The following MAGI2 variants were observed in gnomAD, a reference collection of about 807,000 sequenced individuals.
MAGI2 encodes the protein membrane associated guanylate kinase, WW and PDZ domain containing 2, also known as membrane-associated guanylate kinase, WW and PDZ domain-containing protein 2.
Under a neutral mutation model 133.3 loss-of-function variants are expected in MAGI2, and 35 were observed. That is an observed-to-expected ratio of 0.26 (90% CI 0.20 to 0.35). MAGI2 has a LOEUF of 0.35. Among genes scored for constraint, MAGI2 ranks in the 10% least tolerant of loss-of-function variants. The pLI is 1.00. For synonymous variants in MAGI2, 729 were observed against 710.6 expected, an observed-to-expected ratio of 1.03 and a Z score of -0.41; for missense variants, 1,636 against 1,863.4, an observed-to-expected ratio of 0.88 and a Z score of 2.25.
At chr7:79,403,631 C>T (rs1321408344) in intron 1 of MAGI2, among the ~76,000 whole-genome samples, 1 of 152,116 alleles carries the variant, frequency 6.6e-6, no homozygotes, top group Non-Finnish European at 1.5e-5. Flanking sequence ...AACTAGGCCA[C>T]ATCCTGCACT....
intron 2 of MAGI2, among the ~76,000 whole-genome samples, chr7:78,787,681 T>A (rs1466592004): frequency 6.6e-6 from 1 of 152,180 alleles, no homozygotes; most frequent in African/African-American, 2.4e-5. Context: ...ATAGTTATAC[T>A]CCCTTAGTAA....
At chr7:79,135,903 T>C (rs1244806197) in intron 1 of MAGI2, among the ~76,000 whole-genome samples, 3 of 146,516 alleles carry the variant, frequency 2.0e-5, no homozygotes, top group Non-Finnish European at 1.5e-5. Flanking sequence ...ACGATGCCAC[T>C]GAACTCCATC....
intron 3 of MAGI2, among the ~76,000 whole-genome samples, chr7:78,603,834 T>G (rs939271656): frequency 2.6e-5 from 4 of 152,164 alleles, no homozygotes; most frequent in Non-Finnish European, 5.9e-5. Context: ...ATTTCTATTT[T>G]CTTATAGGCT....
At position 78,785,877 on chromosome 7, in the gene MAGI2, G is replaced by A. The variant is rs79417604; in HGVS notation, c.419-158638C>T. Among the ~76,000 whole-genome samples the A allele has an allele frequency of 6.6e-4, 100 of 152,152 alleles. 2 individuals carry two copies. In the East Asian group the frequency reaches 0.016, roughly 24 times the overall value. On this transcript the variant is annotated intron_variant, in intron 2 of 21. Transcript: ENST00000354212. ...GAGGACAGTCACTTTTTCACTCTCC[G>A]CAAACTCTGCCTGGACACTTCCTTG...
chr7:78,209,826 TG>T (rs1478414152), intron 10 of MAGI2, among the ~76,000 whole-genome samples: 10 of 152,360 alleles, frequency 6.6e-5, no homozygotes, highest in Admixed American at 6.5e-4. Context: ...AGAAATTGGC[TG>T]CTACCTATTC....
chr7:78,797,985 A>C (rs1787756512), intron 2 of MAGI2, among the ~76,000 whole-genome samples: 1 of 152,172 alleles, frequency 6.6e-6, no homozygotes, highest in South Asian at 2.1e-4. Flanking sequence ...AGGGTCACAC[A>C]ATGGCACAAA....
At chr7:78,379,712 C>A (rs2068339) in intron 6 of MAGI2, among the ~76,000 whole-genome samples, 124,120 of 151,962 alleles carry the variant, frequency 0.82, 50,800 homozygotes, top group Admixed American at 0.85. Flanking sequence ...TTCCATCCAT[C>A]TTTCTCTTTC....
chr7:78,138,644 C>T lies in MAGI2; in HGVS notation c.2846-3438G>A, dbSNP rs998514588. Among the ~76,000 whole-genome samples the T allele has an allele frequency of 7.4e-3, 1,099 of 149,442 alleles. 14 individuals are homozygous for T. The highest frequency in any genetic ancestry group is 9.5e-3 in the Non-Finnish European group (641 of 67,512). On this transcript the variant is annotated intron_variant, in intron 16 of 21. Transcript: ENST00000354212. ...ATAGATTCACACACACACACACACACACACACACACACACACACACACACA... is the reference window on the plus strand; with the variant it reads ...ATAGATTCACACACACACACACACATACACACACACACACACACACACACA...
intron 1 of MAGI2, among the ~76,000 whole-genome samples, chr7:79,342,992 G>C (rs1234657874): frequency 6.6e-6 from 1 of 152,050 alleles, no homozygotes; most frequent in Non-Finnish European, 1.5e-5. Context: ...TCGAACTCCT[G>C]ACCTCAGGTG....
At chr7:79,087,811 T>G (rs1474693639) in intron 1 of MAGI2, among the ~76,000 whole-genome samples, 1 of 152,060 alleles carries the variant, frequency 6.6e-6, no homozygotes, top group African/African-American at 2.4e-5. Context: ...GTTGTAGATG[T>G]GTGGTGTTAT....
chr7:78,501,499 T>TTTTCCA, intron 5 of MAGI2, 78 bp downstream of exon 5: 2 of 1,208,546 alleles, frequency 1.7e-6, no homozygotes, highest in Non-Finnish European at 2.3e-6. Context: ...TTTTTTTTTT[T>TTTTCCA]CCACGTCTAA....
intron 1 of MAGI2, among the ~76,000 whole-genome samples, chr7:79,304,027 G>C (rs988410856): frequency 1.3e-5 from 2 of 152,108 alleles, no homozygotes; most frequent in South Asian, 4.1e-4. Flanking sequence ...GGCAGATGAG[G>C]AGGCTGAGAG....
chr7:78,562,993 T>C (rs1312709113), intron 3 of MAGI2, among the ~76,000 whole-genome samples: 2 of 144,496 alleles, frequency 1.4e-5, no homozygotes, highest in East Asian at 3.9e-4. Flanking sequence ...GTTTCTTTTT[T>C]GTTGTTTTTT....
chr7:78,322,344 A>T (rs1788089793), intron 9 of MAGI2, among the ~76,000 whole-genome samples: 1 of 152,196 alleles, frequency 6.6e-6, no homozygotes, highest in Admixed American at 6.5e-5. Flanking sequence ...ACAATAGCAA[A>T]GACTTGGAAC....
chr7:78,661,454 T>C (rs1202749710), intron 2 of MAGI2, among the ~76,000 whole-genome samples: 1 of 152,204 alleles, frequency 6.6e-6, no homozygotes, highest in African/African-American at 2.4e-5. Flanking sequence ...TCAGCAGCTC[T>C]TAATGTTCCT....
Position 78,613,052 on chromosome 7 carries a change from A to C in MAGI2, c.538+14068T>G, listed in dbSNP as rs147454416. ...GAAATAAAATGTCATTTAAATGATT[A>C]GTTTTATTCACACAAACTTCAGGCA... On this transcript the variant is annotated intron_variant, in intron 3 of 21. Transcript: ENST00000354212. Among the ~76,000 whole-genome samples, 4 of 152,338 alleles carry C rather than the reference A, an allele frequency of 2.6e-5. No homozygotes were observed. The East Asian group carries it at 7.7e-4, about 29-fold the overall frequency.
intron 1 of MAGI2, among the ~76,000 whole-genome samples, chr7:79,372,409 G>C (rs2129134882): frequency 6.6e-6 from 1 of 152,184 alleles, no homozygotes; most frequent in Middle Eastern, 3.4e-3. Flanking sequence ...CTAGAAAGTT[G>C]TAAATTACAG....
At chr7:78,335,379 C>T (rs1789654607) in intron 9 of MAGI2, among the ~76,000 whole-genome samples, 1 of 152,158 alleles carries the variant, frequency 6.6e-6, no homozygotes, top group Non-Finnish European at 1.5e-5. Flanking sequence ...GAAAATGCCC[C>T]AGAGAACAGA....
chr7:79,055,194 T>A (rs1042715745), intron 1 of MAGI2, among the ~76,000 whole-genome samples: 12 of 152,188 alleles, frequency 7.9e-5, no homozygotes, highest in Admixed American at 7.2e-4. Context: ...CCTCTGAATA[T>A]AGAATGCTAA....
Sources: allele counts gnomAD v4.1 joint callset (sites outside exome capture counted in the v4.1 genomes callset), GRCh38; gene constraint gnomAD v4.1.1; transcripts MANE v1.5; gene names NCBI Gene and HGNC (gene_info 2026-07-23, HGNC 2026-07-21).